The following FBXL13 variants were observed in gnomAD, a reference collection of about 807,000 sequenced individuals.
FBXL13 encodes the protein F-box and leucine-rich repeat protein 13.
In FBXL13, 67 loss-of-function variants were observed where a neutral mutation model predicts 83.6. The observed-to-expected ratio is 0.80, with a 90% CI of 0.66 to 0.98. FBXL13 has a LOEUF of 0.98. FBXL13 is among the 50% of genes least tolerant of loss of function. The pLI is 0.00. For synonymous variants in FBXL13, 272 were observed against 299.5 expected (o/e 0.91, Z 0.95); for missense variants, 822 against 866.5 (o/e 0.95, Z 0.64).
intron 1 of FBXL13, among the ~76,000 whole-genome samples, chr7:103,073,545 T>C (rs1799247219): frequency 1.3e-5 from 2 of 152,130 alleles, no homozygotes; most frequent in South Asian, 4.1e-4. Context: ...TAGGTACAGA[T>C]ATACTTTATT....
At chr7:102,916,620 T>C (rs1815926986) in intron 10 of FBXL13, among the ~76,000 whole-genome samples, 1 of 152,170 alleles carries the variant, frequency 6.6e-6, no homozygotes, top group Non-Finnish European at 1.5e-5. Flanking sequence ...TTTTGTGCAA[T>C]ACTCATACTC....
intron 6 of FBXL13, 102 bp from the exon 8 acceptor site, chr7:102,968,219 A>G: frequency 1.5e-6 from 1 of 680,144 alleles, no homozygotes; most frequent in Non-Finnish European, 2.5e-6. Context: ...GCGTGCACAC[A>G]CACACGCATT....
chr7:102,917,564 G>C (rs1177601599), intron 10 of FBXL13, among the ~76,000 whole-genome samples: 1 of 152,176 alleles, frequency 6.6e-6, no homozygotes. Context: ...GAAGGAGAAA[G>C]GCACTGCAGC....
intron 8 of FBXL13, among the ~76,000 whole-genome samples, chr7:102,939,843 A>T: frequency 6.6e-6 from 1 of 152,158 alleles, no homozygotes; most frequent in Non-Finnish European, 1.5e-5. Context: ...TGTGTTATAG[A>T]TTTTTAAAGT....
intron 10 of FBXL13, among the ~76,000 whole-genome samples, chr7:102,916,884 T>C (rs1277626486): frequency 1.3e-5 from 2 of 152,162 alleles, no homozygotes; most frequent in Non-Finnish European, 2.9e-5. Context: ...TTATAGAAAC[T>C]ACAAAGATTT....
intron 11 of FBXL13, among the ~76,000 whole-genome samples, chr7:102,891,666 A>G (rs957767683): frequency 2.0e-5 from 3 of 150,618 alleles, no homozygotes; most frequent in Non-Finnish European, 2.9e-5. Flanking sequence ...ACCAAACATT[A>G]AAAAAAAATT....
At position 103,071,776 on chromosome 7, in the gene FBXL13, A is replaced by G. The variant is rs1423584192; in HGVS notation, c.-105+2470T>C. On this transcript the variant is annotated intron_variant, in intron 1 of 19. Coordinates refer to ENST00000313221, the Ensembl canonical transcript of FBXL13. ...GGTAGAAAATCAGGTTTTATTTAGG[A>G]CAGGTAGATGAAATTCAGAAGAGGT... Among the ~76,000 whole-genome samples, 4 of 152,084 alleles carry G rather than the reference A, an allele frequency of 2.6e-5. No homozygotes were observed. In the East Asian group the frequency reaches 7.7e-4, roughly 29 times the overall value.
At position 103,033,151 on chromosome 7, in the gene FBXL13, G is replaced by T. The variant is rs565038733; in HGVS notation, c.1-3733C>A. On this transcript the variant is annotated intron_variant, in intron 2 of 19. Coordinates refer to ENST00000313221, the Ensembl canonical transcript of FBXL13. ...TTTGACAGACAAGAGACTAAGAAAG[G>T]TTTTTTTGTTTGTTTTTTGTTTTTG... is the stretch of plus-strand genomic sequence containing the variant. Among the ~76,000 whole-genome samples the T allele has an allele frequency of 8.5e-5, 13 of 152,200 alleles. No homozygotes were observed. The East Asian group carries it at 1.9e-3, about 23-fold the overall frequency.
intron 8 of FBXL13, chr7:102,939,575 C>G: frequency 6.2e-7 from 1 of 1,613,026 alleles, no homozygotes; most frequent in South Asian, 1.1e-5. Context: ...GCATTGAATT[C>G]ATCGATCCTG....
chr7:102,846,361 A>G (rs1183634983), intron 17 of FBXL13, among the ~76,000 whole-genome samples: 1 of 152,158 alleles, frequency 6.6e-6, no homozygotes, highest in Admixed American at 6.5e-5. Context: ...GCTGATGCCT[A>G]TAATACTGGC....
At chr7:102,926,665 A>G (rs1241979227) in intron 9 of FBXL13, among the ~76,000 whole-genome samples, 2 of 152,204 alleles carry the variant, frequency 1.3e-5, no homozygotes, top group Non-Finnish European at 2.9e-5. Context: ...CTGTCACACG[A>G]AATTTGAGCT....
intron 11 of FBXL13, among the ~76,000 whole-genome samples, chr7:102,901,807 A>G (rs940574570): frequency 8.5e-5 from 13 of 152,138 alleles, no homozygotes; most frequent in African/African-American, 2.9e-4. Context: ...GTCTATATGT[A>G]CCACATTTTC....
At chr7:102,914,377 G>C (rs991525407) in intron 10 of FBXL13, among the ~76,000 whole-genome samples, 1 of 152,210 alleles carries the variant, frequency 6.6e-6, no homozygotes, top group Admixed American at 6.5e-5. Flanking sequence ...AGAAAGCCTG[G>C]CACTTTTTAA....
chr7:102,944,523 A>G lies in FBXL13; in HGVS notation c.725-12590T>C, dbSNP rs1339250253. On this transcript the variant is annotated intron_variant, in intron 8 of 19. Coordinates refer to ENST00000313221, the Ensembl canonical transcript of FBXL13. Reference sequence around the variant, plus strand: ...CAGCATATCCTGAGTCATTTGACCAAGACACAGAAGATGATGAATGGGAAA... The same window carrying G: ...CAGCATATCCTGAGTCATTTGACCAGGACACAGAAGATGATGAATGGGAAA... 3 of 1,613,806 alleles carry G rather than the reference A, an allele frequency of 1.9e-6. No individual in the cohort carries two copies. The African/African-American group carries it at 4.0e-5, about 22-fold the overall frequency.
chr7:102,829,008 G>A (rs1282196144), intron 18 of FBXL13, among the ~76,000 whole-genome samples: 1 of 152,132 alleles, frequency 6.6e-6, no homozygotes, highest in Non-Finnish European at 1.5e-5. Flanking sequence ...CTGAGGATAG[G>A]GGGTACTGAC....
chr7:102,936,852 T>C (rs948798636), intron 8 of FBXL13, among the ~76,000 whole-genome samples: 1 of 152,246 alleles, frequency 6.6e-6, no homozygotes, highest in Non-Finnish European at 1.5e-5. Flanking sequence ...GAAATGTCTC[T>C]TTTTCACTGC....
At chr7:102,939,389 C>A in intron 8 of FBXL13, 2 of 1,546,090 alleles carry the variant, frequency 1.3e-6, no homozygotes, top group South Asian at 1.2e-5. Flanking sequence ...GAAATGGGGG[C>A]AAAAAGAGCA....
At chr7:102,926,036 A>G (rs1204076942) in intron 10 of FBXL13, among the ~76,000 whole-genome samples, 1 of 152,116 alleles carries the variant, frequency 6.6e-6, no homozygotes, top group Non-Finnish European at 1.5e-5. Flanking sequence ...AGAAGCAGGC[A>G]AAGTCTAACT....
chr7:102,841,914 G>T (rs1803002521), intron 17 of FBXL13, among the ~76,000 whole-genome samples: 3 of 152,104 alleles, frequency 2.0e-5, no homozygotes, highest in South Asian at 4.1e-4. Context: ...TTTGTAGGGG[G>T]TTGCTTTCTC....
Sources: allele counts gnomAD v4.1 joint callset (sites outside exome capture counted in the v4.1 genomes callset), GRCh38; gene constraint gnomAD v4.1.1; transcripts MANE v1.5; gene names NCBI Gene and HGNC (gene_info 2026-07-23, HGNC 2026-07-21).